Variants in LONRF1 observed in about 807,000 individuals in gnomAD.
LONRF1 encodes LON peptidase N-terminal domain and RING finger protein 1.
LONRF1 carries 37 observed loss-of-function variants against 85.8 expected under a neutral mutation model. That is an observed-to-expected ratio of 0.43 (90% CI 0.33 to 0.57). The LOEUF (loss-of-function observed/expected upper bound fraction) is 0.57, where lower values mean the gene tolerates loss of function less well. LONRF1 is among the 20% of genes least tolerant of loss of function. LONRF1 has a pLI of 0.04. For missense variants in LONRF1, 1,036 were observed against 978.0 expected (o/e 1.06, Z -0.79); for synonymous variants, 517 against 390.1 (o/e 1.33, Z -3.83).
chr8:12,747,279 T>C (rs1799197539), intron 1 of LONRF1, among the ~76,000 whole-genome samples: 1 of 152,204 alleles, frequency 6.6e-6, no homozygotes, highest in African/African-American at 2.4e-5. Flanking sequence ...GAGTTTTCTA[T>C]TCTAGAGTCA....
chr8:12,725,042 G>A lies in LONRF1; in HGVS notation c.2163+685C>T, dbSNP rs180903691. 7.9e-5 allele frequency among the ~76,000 whole-genome samples: 12 copies of A among 152,318 alleles called. No individual in the cohort carries two copies. In the East Asian group the frequency reaches 2.3e-3, roughly 29 times the overall value. ...AAAAACATTTAGTTCAATTCAAAAT[G>A]CTACGATGCCTAAAACGTAGTGCTT... On this transcript the variant is annotated intron_variant, in intron 11 of 11. Coordinates refer to ENST00000398246, the MANE Select transcript of LONRF1 (RefSeq NM_152271.5).
intron 1 of LONRF1, among the ~76,000 whole-genome samples, chr8:12,744,221 G>A (rs2117312954): frequency 6.6e-6 from 1 of 152,200 alleles, no homozygotes; most frequent in African/African-American, 2.4e-5. Context: ...TAGCTGCCGG[G>A]TTTACTCTAG....
At chr8:12,735,033 C>T (rs1798666098) in intron 7 of LONRF1, among the ~76,000 whole-genome samples, 1 of 152,028 alleles carries the variant, frequency 6.6e-6, no homozygotes, top group Non-Finnish European at 1.5e-5. Context: ...CTAACCATAC[C>T]CACTTTTGTT....
chr8:12,735,860 T>C (rs11784110), intron 6 of LONRF1, among the ~76,000 whole-genome samples: 32,585 of 152,206 alleles, frequency 0.21, 3,994 homozygotes, highest in East Asian at 0.31. Flanking sequence ...AATAGGTTTA[T>C]AAGACCCTTA....
rs371729271 is a variant in LONRF1, at chr8:12,737,048, A to C, written c.1206T>G (p.Pro402=). 2.5e-6 allele frequency: 4 copies of C among 1,613,574 alleles called. No individual in the cohort carries two copies. The African/African-American group carries it at 5.3e-5, about 22-fold the overall frequency. The stretch of plus-strand genomic sequence containing the variant: ...CTCTTTTTAAACAGTCCTCTCTGGC[A>C]GGCATTTCTGTTGAATTTATAGACT... The part of the protein sequence containing the change: ...SAQSINSTEM[P]AREDCLKRVS... The change falls in exon 5 of 12, where the codon CCT becomes CCG. Residue 402 remains proline (P), a synonymous_variant. Transcript: ENST00000398246.
In LONRF1 at chr8:12,728,835, C is replaced by T. The variant is rs375286823; in HGVS notation, c.2010+66G>A. ...GTTCATGCACCTAGAAAATAGCCTG[C>T]ATGCCTGTACCAATCCCTGGAACAG... On this transcript the variant is annotated intron_variant, in intron 10 of 11. Coordinates refer to ENST00000398246, the MANE Select transcript of LONRF1 (RefSeq NM_152271.5). 5.7e-6 allele frequency: 9 copies of T among 1,569,418 alleles called. No individual in the cohort carries two copies. The African/African-American group carries it at 8.1e-5, about 14-fold the overall frequency.
chr8:12,725,370 C>T (rs989048270), intron 11 of LONRF1, among the ~76,000 whole-genome samples: 8 of 152,104 alleles, frequency 5.3e-5, no homozygotes, highest in African/African-American at 9.7e-5. Flanking sequence ...CAGCAACAGG[C>T]GATGGGCTCA....
Position 12,745,356 on chromosome 8 carries a change from C to G in LONRF1, c.722-2074G>C, listed in dbSNP as rs565444002. ...AAAAAAAAAAAAAAACCAACCCCAT[C>G]AGGTGAGTTCAAACTTCCAATACTT... is the stretch of plus-strand genomic sequence containing the variant. On this transcript the variant is annotated intron_variant, in intron 1 of 11. Transcript: ENST00000398246. Among the ~76,000 whole-genome samples, 449 of 142,602 alleles carry G rather than the reference C, an allele frequency of 3.1e-3. 2 individuals are homozygous for G. The highest frequency in any genetic ancestry group is 4.7e-3 in the Non-Finnish European group (310 of 66,280). 93.6% of individuals were successfully genotyped at this position (142,602 alleles called of 152,430 possible). A position where few individuals can be genotyped will look rare whatever the true frequency, so the allele number is the denominator to read the frequency against.
Position 12,755,332 on chromosome 8 carries a change from A to T in LONRF1, c.89T>A (p.Val30Glu). 1 of 1,246,068 alleles carries T rather than the reference A, an allele frequency of 8.0e-7. No homozygotes were observed. The highest frequency in any genetic ancestry group is 1.0e-6 in the Non-Finnish European group (1 of 991,248). 77.2% of individuals were successfully genotyped at this position (1,246,068 alleles called of 1,614,324 possible). ...CAGCCGATGGCCGCTGCCGCCGCCC[A>T]CTTCCCAGAACCGGCCTCGGCCCTG... ...APQGRGRFWE[V>E]GGGSGHRLER... Residue 30 changes from valine to glutamate, a missense_variant, in exon 1 of 12, where the codon GTG (valine) becomes GAG (glutamate). Coordinates refer to ENST00000398246, the MANE Select transcript of LONRF1 (RefSeq NM_152271.5).
chr8:12,744,092 C>T (rs1038559339), intron 1 of LONRF1, among the ~76,000 whole-genome samples: 1 of 152,112 alleles, frequency 6.6e-6, no homozygotes, highest in African/African-American at 2.4e-5. Flanking sequence ...CAACAAATGA[C>T]ATTAACTTGA....
At chr8:12,750,926 A>AAAT (rs1799358278) in intron 1 of LONRF1, among the ~76,000 whole-genome samples, 1 of 152,166 alleles carries the variant, frequency 6.6e-6, no homozygotes, top group Non-Finnish European at 1.5e-5. Context: ...TTTACTGGGC[A>AAAT]TTTACTCTGT....
chr8:12,726,197 G>T (rs1798294665), intron 10 of LONRF1, among the ~76,000 whole-genome samples: 2 of 152,108 alleles, frequency 1.3e-5, no homozygotes, highest in Non-Finnish European at 2.9e-5. Context: ...GGTCTAATTT[G>T]GAATTCCATT....
intron 10 of LONRF1, among the ~76,000 whole-genome samples, chr8:12,727,596 C>G (rs1225004079): frequency 6.6e-6 from 1 of 152,052 alleles, no homozygotes; most frequent in Non-Finnish European, 1.5e-5. Context: ...AGTATTAATA[C>G]ATATAGTCAT....
intron 8 of LONRF1, among the ~76,000 whole-genome samples, chr8:12,731,240 C>A (rs1490478275): frequency 6.6e-6 from 1 of 152,096 alleles, no homozygotes; most frequent in Non-Finnish European, 1.5e-5. Context: ...CAGTTGTGCT[C>A]CCAGTCAGTA....
intron 1 of LONRF1, among the ~76,000 whole-genome samples, chr8:12,749,764 C>T (rs943508090): frequency 1.4e-4 from 22 of 151,918 alleles, no homozygotes; most frequent in Admixed American, 6.6e-4. Context: ...CTTAAAGTAC[C>T]TTATGAATCA....
Position 12,755,521 on chromosome 8 carries a change from G to A in LONRF1, c.-101C>T, listed in dbSNP as rs1480749854. 4.2e-6 allele frequency: 2 copies of A among 478,484 alleles called. No homozygotes were observed. The highest frequency in any genetic ancestry group is 2.1e-5 in the African/African-American group (1 of 47,046). The allele number at this position is 478,484 out of a possible 1,614,324, so 29.6% of individuals were successfully genotyped here. A position where few individuals can be genotyped will look rare whatever the true frequency, so the allele number is the denominator to read the frequency against. ...GCCCGCGAGCAGGGGGGCGTGGCGCGCGGACACGGCGGGGCTGCGCGCGCC... is the reference window on the plus strand; with the variant it reads ...GCCCGCGAGCAGGGGGGCGTGGCGCACGGACACGGCGGGGCTGCGCGCGCC... On this transcript the variant is annotated 5_prime_UTR_variant, in exon 1 of 12. Transcript: ENST00000398246.
At chr8:12,740,720 C>G (rs530427405) in intron 3 of LONRF1, among the ~76,000 whole-genome samples, 154 bp downstream of exon 3, 1 of 152,286 alleles carries the variant, frequency 6.6e-6, no homozygotes, top group African/African-American at 2.4e-5. Flanking sequence ...ATAATACGTA[C>G]ATGAACCTGA....
At position 12,755,489 on chromosome 8, in the gene LONRF1, G is replaced by A. The variant is rs1438790003; in HGVS notation, c.-69C>T. 3 of 868,580 alleles carry A rather than the reference G, an allele frequency of 3.5e-6. No individual in the cohort carries two copies. The highest frequency in any genetic ancestry group is 5.8e-5 in the Admixed American group (1 of 17,114). 53.8% of individuals were successfully genotyped at this position (868,580 alleles called of 1,614,324 possible). A position where few individuals can be genotyped will look rare whatever the true frequency, so the allele number is the denominator to read the frequency against. ...CGGAGCCTCCCGGGCGCGCGGCTCC[G>A]CACGCGGCCCGCGAGCAGGGGGGCG... On this transcript the variant is annotated 5_prime_UTR_variant, in exon 1 of 12. Coordinates refer to ENST00000398246, the MANE Select transcript of LONRF1 (RefSeq NM_152271.5).
At chr8:12,733,362 T>C (rs867790058) in intron 7 of LONRF1, among the ~76,000 whole-genome samples, 27 of 152,296 alleles carry the variant, frequency 1.8e-4, no homozygotes, top group African/African-American at 5.5e-4. Context: ...AATCCAACAA[T>C]TGGTTTTAAG....
Sources: allele counts gnomAD v4.1 joint callset (sites outside exome capture counted in the v4.1 genomes callset), GRCh38; gene constraint gnomAD v4.1.1; transcripts MANE v1.5; gene names NCBI Gene and HGNC (gene_info 2026-07-23, HGNC 2026-07-21).